KCNH7: variants seen among roughly 807,000 people sequenced by gnomAD.
KCNH7 encodes the protein voltage-gated inwardly rectifying potassium channel KCNH7.
A neutral mutation model predicts 120.8 loss-of-function variants in KCNH7; 49 were observed. The observed-to-expected ratio is 0.41, with a 90% CI of 0.32 to 0.51. The LOEUF is 0.51. Among genes scored for constraint, KCNH7 ranks in the 20% least tolerant of loss-of-function variants. The pLI, the probability that KCNH7 is intolerant of heterozygous loss-of-function variation, is 0.38. For missense variants in KCNH7, 1,097 were observed against 1,446.6 expected, an observed-to-expected ratio of 0.76 and a Z score of 3.92; for synonymous variants, 547 against 516.1, an observed-to-expected ratio of 1.06 and a Z score of -0.81.
At chr2:162,436,647 T>C (rs1663801406) in intron 7 of KCNH7, among the ~76,000 whole-genome samples, 1 of 152,182 alleles carries the variant, frequency 6.6e-6, no homozygotes. Flanking sequence ...AATCAATTAT[T>C]GAGTTATTTT....
At chr2:162,668,794 ATGAGACAAC>A (rs1685238196) in intron 2 of KCNH7, among the ~76,000 whole-genome samples, 1 of 152,198 alleles carries the variant, frequency 6.6e-6, no homozygotes, top group Non-Finnish European at 1.5e-5. Flanking sequence ...GTCAAAAACT[ATGAGACAAC>A]TATAATTATT....
intron 2 of KCNH7, among the ~76,000 whole-genome samples, chr2:162,543,429 A>G (rs1692379424): frequency 6.6e-6 from 1 of 152,106 alleles, no homozygotes; most frequent in Non-Finnish European, 1.5e-5. Flanking sequence ...AAGAGAGATT[A>G]TATATATTTA....
intron 7 of KCNH7, among the ~76,000 whole-genome samples, chr2:162,443,266 T>G (rs1337558862): frequency 6.6e-6 from 1 of 152,172 alleles, no homozygotes; most frequent in Non-Finnish European, 1.5e-5. Flanking sequence ...CATATTATTT[T>G]TCTAGATGCT....
chr2:162,771,449 C>A (rs1683052047), intron 2 of KCNH7, among the ~76,000 whole-genome samples: 1 of 152,052 alleles, frequency 6.6e-6, no homozygotes, highest in Admixed American at 6.6e-5. Context: ...ATGAAACTTT[C>A]CTCAGTTTCC....
Position 162,804,723 on chromosome 2 carries a change from T to A in KCNH7, c.307+31814A>T, listed in dbSNP as rs189388694. Among the ~76,000 whole-genome samples the A allele has an allele frequency of 4.1e-4, 62 of 151,514 alleles. 1 individual carries two copies. Among genetic ancestry groups the A allele is most frequent in the Middle Eastern group, 6.8e-3 (2 of 292 alleles). On this transcript the variant is annotated intron_variant, in intron 2 of 15. Coordinates refer to ENST00000332142, the MANE Select transcript of KCNH7 (RefSeq NM_033272.4). ...ATTCCCATCAAAATACAAACATCAT[T>A]TTTCATAGATTTAGAAGAAAAGCCT... is the stretch of plus-strand genomic sequence containing the variant.
intron 2 of KCNH7, among the ~76,000 whole-genome samples, chr2:162,706,089 A>C (rs1686691382): frequency 6.6e-6 from 1 of 152,100 alleles, no homozygotes; most frequent in Non-Finnish European, 1.5e-5. Flanking sequence ...CTAAATGTAC[A>C]ATCTTTTGTG....
intron 2 of KCNH7, among the ~76,000 whole-genome samples, chr2:162,719,686 C>T (rs1213246498): frequency 6.6e-6 from 1 of 151,952 alleles, no homozygotes; most frequent in African/African-American, 2.4e-5. Context: ...GGGCTGGTTA[C>T]TAAATACAAA....
At chr2:162,748,616 A>G (rs1158676113) in intron 2 of KCNH7, among the ~76,000 whole-genome samples, 1 of 152,144 alleles carries the variant, frequency 6.6e-6, no homozygotes, top group Non-Finnish European at 1.5e-5. Context: ...CTTCCTTATA[A>G]GTGTTTTTCT....
intron 2 of KCNH7, among the ~76,000 whole-genome samples, chr2:162,598,581 G>A (rs757495373): frequency 6.6e-6 from 1 of 152,088 alleles, no homozygotes; most frequent in Non-Finnish European, 1.5e-5. Context: ...ACCCAATACT[G>A]AGTAATTTGG....
At chr2:162,692,565 C>T (rs934989113) in intron 2 of KCNH7, among the ~76,000 whole-genome samples, 8 of 152,072 alleles carry the variant, frequency 5.3e-5, no homozygotes, top group African/African-American at 1.2e-4. Flanking sequence ...CTTTCACTGC[C>T]GTATTTTTCT....
chr2:162,493,560 G>A (rs140791697), intron 6 of KCNH7, among the ~76,000 whole-genome samples: 2 of 152,128 alleles, frequency 1.3e-5, no homozygotes, highest in Non-Finnish European at 2.9e-5. Flanking sequence ...TGCTCAACTT[G>A]CCTGCTTTAC....
At chr2:162,721,062 C>A (rs760257694) in intron 2 of KCNH7, among the ~76,000 whole-genome samples, 1 of 152,136 alleles carries the variant, frequency 6.6e-6, no homozygotes, top group Non-Finnish European at 1.5e-5. Context: ...AAGCTACCAG[C>A]TTCTGATGCT....
At chr2:162,633,943 A>G (rs1462745363) in intron 2 of KCNH7, among the ~76,000 whole-genome samples, 1 of 152,030 alleles carries the variant, frequency 6.6e-6, no homozygotes, top group Non-Finnish European at 1.5e-5. Context: ...AAATCTTTGT[A>G]CATATTGAAT....
chr2:162,598,301 A>G (rs955711853), intron 2 of KCNH7, among the ~76,000 whole-genome samples: 6 of 152,178 alleles, frequency 3.9e-5, no homozygotes, highest in Admixed American at 3.3e-4. Flanking sequence ...AACGGAGTGA[A>G]ATCTTGCAAA....
chr2:162,385,047 T>C (rs1368042580), intron 12 of KCNH7, 108 bp from the exon 13 acceptor site: 1 of 820,152 alleles, frequency 1.2e-6, no homozygotes, highest in South Asian at 2.2e-5. Context: ...CTTTTTCCTA[T>C]TGAAAATGTA....
chr2:162,469,428 A>G (rs993732635), intron 6 of KCNH7, among the ~76,000 whole-genome samples: 1 of 152,164 alleles, frequency 6.6e-6, no homozygotes, highest in Non-Finnish European at 1.5e-5. Context: ...AATATTTACC[A>G]TGTGACAAAG....
At chr2:162,742,542 T>C (rs186416043) in intron 2 of KCNH7, among the ~76,000 whole-genome samples, 222 of 152,324 alleles carry the variant, frequency 1.5e-3, no homozygotes, top group African/African-American at 5.0e-3. Flanking sequence ...TTATATTTTC[T>C]TTTTTCTCTT....
chr2:162,812,214 C>T (rs1573918529), intron 2 of KCNH7, among the ~76,000 whole-genome samples: 1 of 151,924 alleles, frequency 6.6e-6, no homozygotes, highest in Non-Finnish European at 1.5e-5. Flanking sequence ...AGAATTTAGA[C>T]AGGAAGCAGA....
intron 3 of KCNH7, among the ~76,000 whole-genome samples, chr2:162,531,796 T>C (rs1691934088): frequency 6.6e-6 from 1 of 151,994 alleles, no homozygotes; most frequent in African/African-American, 2.4e-5. Context: ...TTTAAAAGAA[T>C]ATTGTACTGT....
Sources: gnomAD v4.1 joint callset for allele counts (sites outside exome capture counted in the v4.1 genomes callset) on GRCh38, gnomAD v4.1.1 for gene constraint, MANE v1.5 for transcripts, NCBI Gene and HGNC (gene_info 2026-07-23, HGNC 2026-07-21) for gene names.